KAZN: variants seen among roughly 807,000 people sequenced by gnomAD.
KAZN encodes kazrin.
In KAZN, 40 loss-of-function variants were observed where a neutral mutation model predicts 87.4. The ratio of observed to expected loss-of-function variants is 0.46; its 90% CI spans 0.36 to 0.60. KAZN has a LOEUF of 0.60. KAZN is among the 20% of genes least tolerant of loss of function. The pLI is 0.00. For missense variants in KAZN, 898 were observed against 1,073.9 expected, an observed-to-expected ratio of 0.84 and a Z score of 2.29; for synonymous variants, 466 against 458.3, an observed-to-expected ratio of 1.02 and a Z score of -0.22.
chr1:15,046,788 G>A (rs768448779), intron 4 of KAZN, among the ~76,000 whole-genome samples: 1 of 152,246 alleles, frequency 6.6e-6, no homozygotes, highest in Non-Finnish European at 1.5e-5. Context: ...GTTCCCACCA[G>A]TGGGGTTGAT....
chr1:14,226,042 C>CA (rs1647268048), intron 2 of KAZN, among the ~76,000 whole-genome samples: 1 of 151,084 alleles, frequency 6.6e-6, no homozygotes, highest in African/African-American at 2.4e-5. Flanking sequence ...TTCTGCACAG[C>CA]AAAAAACAAA....
At chr1:14,913,062 T>G (rs746070318) in intron 1 of KAZN, among the ~76,000 whole-genome samples, 74 of 152,256 alleles carry the variant, frequency 4.9e-4, no homozygotes, top group Non-Finnish European at 9.1e-4. Flanking sequence ...CTTGTTAAGG[T>G]TGGCACGGGC....
At chr1:14,516,840 C>T (rs1183993633) in intron 2 of KAZN, among the ~76,000 whole-genome samples, 2 of 152,144 alleles carry the variant, frequency 1.3e-5, no homozygotes, top group Non-Finnish European at 2.9e-5. Flanking sequence ...CTATCACCTT[C>T]AATTTCTGCA....
At chr1:14,133,763 C>T (rs1349255692) in intron 1 of KAZN, among the ~76,000 whole-genome samples, 1 of 152,050 alleles carries the variant, frequency 6.6e-6, no homozygotes, top group Non-Finnish European at 1.5e-5. Flanking sequence ...ACTCATGACC[C>T]CAAGGCAGGA....
chr1:14,058,719 G>A (rs1253137451), intron 1 of KAZN, among the ~76,000 whole-genome samples: 1 of 152,168 alleles, frequency 6.6e-6, no homozygotes. Context: ...AGTGATTAGG[G>A]ATGCCAAAAT....
intron 2 of KAZN, among the ~76,000 whole-genome samples, chr1:14,226,508 C>G (rs537524902): frequency 6.6e-6 from 1 of 152,140 alleles, no homozygotes; most frequent in African/African-American, 2.4e-5. Context: ...TCTCAGAGAA[C>G]TTAAAATAGA....
At chr1:15,106,459 G>A (rs1359142854) in intron 13 of KAZN, among the ~76,000 whole-genome samples, 1 of 152,136 alleles carries the variant, frequency 6.6e-6, no homozygotes, top group Non-Finnish European at 1.5e-5. Flanking sequence ...ATATTAGCAG[G>A]CATTTGTGTA....
At position 14,909,457 on chromosome 1, in the gene KAZN, C is replaced by T. The variant is rs192232909; in HGVS notation, c.227-51227C>T. Among the ~76,000 whole-genome samples the T allele has an allele frequency of 5.9e-5, 9 of 152,344 alleles. No individual in the cohort carries two copies. In the East Asian group the frequency reaches 1.5e-3, roughly 26 times the overall value. The stretch of plus-strand genomic sequence containing the variant: ...CTGCCTCCCACCAATTTCCTCCCAC[C>T]TAACTCGTAACATCTCATCTTGGCT... On this transcript the variant is annotated intron_variant, in intron 1 of 14. Transcript: ENST00000376030.
chr1:14,771,559 C>T (rs1211280483), intron 1 of KAZN, among the ~76,000 whole-genome samples: 3 of 152,058 alleles, frequency 2.0e-5, no homozygotes, highest in Admixed American at 6.5e-5. Flanking sequence ...GGCGAGGTGG[C>T]TTACACCTGT....
intron 1 of KAZN, among the ~76,000 whole-genome samples, chr1:14,060,564 A>AT (rs1225503470): frequency 2.0e-5 from 3 of 152,054 alleles, no homozygotes; most frequent in Non-Finnish European, 4.4e-5. Context: ...TTCCCTCTGA[A>AT]TTTCCCTGAG....
rs542797263 is a variant in KAZN, at chr1:14,774,176, C to T, written c.226+174953C>T. Among the ~76,000 whole-genome samples, 20 of 152,328 alleles carry T rather than the reference C, an allele frequency of 1.3e-4. No homozygotes were observed. In the South Asian group the frequency reaches 3.3e-3, roughly 25 times the overall value. ...CACCCCTGTGTCCCCAAGAGGCAGT[C>T]TGGGGGTGAAACTGGTCTTAGAGTC... On this transcript the variant is annotated intron_variant, in intron 1 of 14. Transcript: ENST00000376030.
intron 8 of KAZN, among the ~76,000 whole-genome samples, chr1:15,072,433 G>A (rs1251211763): frequency 6.6e-6 from 1 of 152,158 alleles, no homozygotes; most frequent in Non-Finnish European, 1.5e-5. Context: ...CCTCAGAACA[G>A]GGAGGGTTTG....
chr1:14,545,398 G>A (rs1673077651), intron 2 of KAZN, among the ~76,000 whole-genome samples: 1 of 152,204 alleles, frequency 6.6e-6, no homozygotes, highest in Non-Finnish European at 1.5e-5. Flanking sequence ...GAGACAGATT[G>A]TCTGAGTTGG....
intron 2 of KAZN, among the ~76,000 whole-genome samples, chr1:14,408,372 T>C (rs1336917186): frequency 6.6e-6 from 1 of 152,218 alleles, no homozygotes; most frequent in African/African-American, 2.4e-5. Flanking sequence ...ATCTAGTAGA[T>C]ACTGCCTAGC....
At chr1:15,019,758 G>A (rs1670478604) in intron 2 of KAZN, among the ~76,000 whole-genome samples, 1 of 152,172 alleles carries the variant, frequency 6.6e-6, no homozygotes, top group Non-Finnish European at 1.5e-5. Flanking sequence ...GAAAATTTGA[G>A]TGAAAACATG....
intron 1 of KAZN, among the ~76,000 whole-genome samples, chr1:14,928,177 G>A (rs1040855378): frequency 7.2e-5 from 11 of 151,954 alleles, no homozygotes; most frequent in African/African-American, 2.4e-4. Flanking sequence ...ATGGCGGGGC[G>A]CAGTGGCTCA....
intron 2 of KAZN, among the ~76,000 whole-genome samples, chr1:14,289,262 T>C (rs1461980483): frequency 3.9e-5 from 6 of 152,344 alleles, no homozygotes; most frequent in Admixed American, 6.5e-5. Context: ...CATTGATCTG[T>C]CTAATATTGA....
intron 2 of KAZN, among the ~76,000 whole-genome samples, chr1:14,419,965 G>A (rs985856989): frequency 9.9e-5 from 15 of 152,246 alleles, no homozygotes; most frequent in African/African-American, 2.2e-4. Flanking sequence ...GGAACATTAG[G>A]GGATTGCCAC....
At chr1:13,975,923 G>C (rs964758423) in intron 1 of KAZN, among the ~76,000 whole-genome samples, 5 of 152,210 alleles carry the variant, frequency 3.3e-5, no homozygotes, top group African/African-American at 4.8e-5. Flanking sequence ...GAGTGCTTTG[G>C]AAGTCTCTCC....
Sources: gnomAD v4.1 joint callset for allele counts (sites outside exome capture counted in the v4.1 genomes callset) on GRCh38, gnomAD v4.1.1 for gene constraint, MANE v1.5 for transcripts, NCBI Gene and HGNC (gene_info 2026-07-23, HGNC 2026-07-21) for gene names.